Variants in SHANK2 observed in about 807,000 individuals in gnomAD.
The protein encoded by SHANK2 is SH3 and multiple ankyrin repeat domains protein 2.
SHANK2 carries 43 observed loss-of-function variants against 133.7 expected under a neutral mutation model. The ratio of observed to expected loss-of-function variants is 0.32; its 90% CI spans 0.25 to 0.41. The LOEUF (loss-of-function observed/expected upper bound fraction) is 0.41, where lower values mean the gene tolerates loss of function less well. Among genes scored for constraint, SHANK2 ranks in the 10% least tolerant of loss-of-function variants. The pLI, the probability that SHANK2 is intolerant of heterozygous loss-of-function variation, is 1.00. For missense variants in SHANK2, 1,994 were observed against 2,235.8 expected, an observed-to-expected ratio of 0.89 and a Z score of 2.18; for synonymous variants, 1,017 against 952.8, an observed-to-expected ratio of 1.07 and a Z score of -1.24.
intron 17 of SHANK2, among the ~76,000 whole-genome samples, chr11:70,575,599 C>G (rs530812473): frequency 5.3e-5 from 8 of 151,202 alleles, no homozygotes; most frequent in Non-Finnish European, 1.2e-4. Flanking sequence ...GGAGGAGACA[C>G]CAGGCTTTTC....
At chr11:71,241,833 G>A (rs1435184849) in intron 1 of SHANK2, among the ~76,000 whole-genome samples, 1 of 152,152 alleles carries the variant, frequency 6.6e-6, no homozygotes, top group African/African-American at 2.4e-5. Context: ...GGAGCGAGTG[G>A]GTAAAAGATC....
At chr11:70,727,815 C>T (rs1274442855) in intron 14 of SHANK2, among the ~76,000 whole-genome samples, 1 of 152,200 alleles carries the variant, frequency 6.6e-6, no homozygotes, top group African/African-American at 2.4e-5. Context: ...AGCCTCTGTT[C>T]CCCCAAGACG....
chr11:70,807,321 G>C lies in SHANK2; in HGVS notation c.1494-150C>G, dbSNP rs1047175524. Reference sequence around the variant, plus strand: ...GATGCCAGACAGGAAGATGGGAACAGGCCGGGGCAGCACTGTGGTCAGAGG... The same window carrying C: ...GATGCCAGACAGGAAGATGGGAACACGCCGGGGCAGCACTGTGGTCAGAGG... On this transcript the variant is annotated intron_variant, in intron 12 of 25. Transcript: ENST00000601538. This position sits in a 1 kb window ranked among gnomAD's most constrained non-coding sequence, Gnocchi z 4.8. 24 of 633,502 alleles carry C rather than the reference G, an allele frequency of 3.8e-5. No individual in the cohort carries two copies. The African/African-American group carries it at 4.2e-4, about 11-fold the overall frequency. The allele number at this position is 633,502 out of a possible 1,614,324, so 39.2% of individuals were successfully genotyped here. A position where few individuals can be genotyped will look rare whatever the true frequency, so the allele number is the denominator to read the frequency against.
At chr11:70,480,369 C>A (rs1555151231) in intron 25 of SHANK2, among the ~76,000 whole-genome samples, 1 of 152,202 alleles carries the variant, frequency 6.6e-6, no homozygotes, top group African/African-American at 2.4e-5. Context: ...GCATCCTAGT[C>A]CGCCCTTTCT....
chr11:70,750,773 G>A (rs1045822197), intron 14 of SHANK2, among the ~76,000 whole-genome samples: 3 of 152,124 alleles, frequency 2.0e-5, no homozygotes, highest in Non-Finnish European at 4.4e-5. Flanking sequence ...TCCAAGCTTG[G>A]CGAGTGTCTG....
chr11:70,947,707 C>T (rs1159835395), intron 10 of SHANK2, among the ~76,000 whole-genome samples: 2 of 152,038 alleles, frequency 1.3e-5, no homozygotes, highest in Non-Finnish European at 2.9e-5. Context: ...ATATAAATAC[C>T]CATGTGCGTC....
At chr11:71,154,064 T>C (rs1555108607) in intron 2 of SHANK2, among the ~76,000 whole-genome samples, 1 of 152,198 alleles carries the variant, frequency 6.6e-6, no homozygotes, top group Admixed American at 6.5e-5. Context: ...TTTTTATTGA[T>C]ATGGAATCTC....
At chr11:71,143,395 C>T (rs1173324349) in intron 3 of SHANK2, among the ~76,000 whole-genome samples, 7 of 152,168 alleles carry the variant, frequency 4.6e-5, no homozygotes, top group Non-Finnish European at 1.0e-4. Context: ...ACCCCAAAAT[C>T]CATGCTTTTC....
chr11:70,798,042 C>T (rs568936084), intron 14 of SHANK2, among the ~76,000 whole-genome samples: 7 of 152,244 alleles, frequency 4.6e-5, no homozygotes, highest in East Asian at 1.9e-4. Context: ...TTTACGGAGG[C>T]GTTTGCTACG....
chr11:71,198,679 C>T (rs752759878), intron 2 of SHANK2, among the ~76,000 whole-genome samples: 1 of 152,176 alleles, frequency 6.6e-6, no homozygotes, highest in Non-Finnish European at 1.5e-5. Context: ...CTCCCTTCCA[C>T]GTCAGTCCCA....
At chr11:70,683,183 GC>G (rs1555018742) in intron 15 of SHANK2, among the ~76,000 whole-genome samples, 1 of 151,976 alleles carries the variant, frequency 6.6e-6, no homozygotes, top group Admixed American at 6.6e-5. Context: ...TTGCTTTGTT[GC>G]CCTGGCTGGT....
chr11:70,694,233 C>A (rs149137463), intron 15 of SHANK2, among the ~76,000 whole-genome samples: 13 of 152,306 alleles, frequency 8.5e-5, no homozygotes, highest in African/African-American at 3.1e-4. Flanking sequence ...TTAATGTGGC[C>A]ATTTCTAGAT....
chr11:70,540,069 G>T (rs4980607), intron 17 of SHANK2, among the ~76,000 whole-genome samples: 73,339 of 151,948 alleles, frequency 0.48, 19,345 homozygotes, highest in Non-Finnish European at 0.6. Flanking sequence ...TAGATCAGGG[G>T]CTGCCCTACC....
At chr11:70,515,637 G>GGAA (rs781956373) in intron 17 of SHANK2, among the ~76,000 whole-genome samples, 6 of 79,958 alleles carry the variant, frequency 7.5e-5, no homozygotes, top group African/African-American at 2.2e-4. Flanking sequence ...CTCGTTCCTT[G>GGAA]AAAAAAAAAA....
chr11:71,146,212 A>G (rs1952640560), intron 3 of SHANK2, among the ~76,000 whole-genome samples: 1 of 152,154 alleles, frequency 6.6e-6, no homozygotes, highest in South Asian at 2.1e-4. Context: ...TTGAGGCCAC[A>G]TGTGGCACAG....
At chr11:70,712,753 C>T (rs546118172) in intron 14 of SHANK2, among the ~76,000 whole-genome samples, 26 of 152,228 alleles carry the variant, frequency 1.7e-4, no homozygotes, top group Non-Finnish European at 2.8e-4. Flanking sequence ...CAGCTCTGCA[C>T]CAACAGCCCT....
chr11:70,895,515 A>G (rs1949920191), intron 11 of SHANK2: 1 of 152,534 alleles, frequency 6.6e-6, no homozygotes, highest in Admixed American at 6.5e-5. Context: ...TGGCAGGGCG[A>G]TGGGAGAGAG....
intron 11 of SHANK2, among the ~76,000 whole-genome samples, chr11:70,825,301 T>C (rs1555056985): frequency 2.0e-5 from 3 of 152,176 alleles, no homozygotes; most frequent in Non-Finnish European, 4.4e-5. Context: ...ATGCTGTTCA[T>C]GGATTATAAA....
At chr11:70,843,081 G>A (rs1948934265) in intron 11 of SHANK2, among the ~76,000 whole-genome samples, 1 of 152,216 alleles carries the variant, frequency 6.6e-6, no homozygotes, top group East Asian at 1.9e-4. Context: ...CTCACAGCAT[G>A]TGGAAGGCTG....
Sources: allele counts gnomAD v4.1 joint callset (sites outside exome capture counted in the v4.1 genomes callset), GRCh38; gene constraint gnomAD v4.1.1; non-coding constraint Gnocchi (gnomAD v3.1); transcripts MANE v1.5; gene names NCBI Gene and HGNC (gene_info 2026-07-23, HGNC 2026-07-21).